C3: variants seen among roughly 807,000 people sequenced by gnomAD.
The protein encoded by C3 is C3 and PZP-like alpha-2-macroglobulin domain-containing protein 1.
In C3, 97 loss-of-function variants were observed where a neutral mutation model predicts 207.9. The ratio of observed to expected loss-of-function variants is 0.47; its 90% CI spans 0.40 to 0.55. The LOEUF is 0.55. Among genes scored for constraint, C3 ranks in the 20% least tolerant of loss-of-function variants. The probability of loss-of-function intolerance (pLI) is 0.00; values close to 1 mark genes in which losing one functional copy is unlikely to be tolerated. For missense variants in C3, 1,684 were observed against 2,171.7 expected (o/e 0.78, Z 4.46); for synonymous variants, 848 against 857.6 (o/e 0.99, Z 0.20).
In C3 at chr19:6,719,334, G is replaced by A. The variant is rs372872350; in HGVS notation, c.144C>T (p.Asp48=). The A allele has an allele frequency of 1.9e-6, 3 of 1,613,994 alleles. No individual in the cohort carries two copies. The highest frequency in any genetic ancestry group is 1.3e-5 in the African/African-American group (1 of 74,964). The change falls in exon 2 of 41, where the codon GAC becomes GAT. Residue 48 remains aspartate (D), a synonymous_variant. Coordinates refer to ENST00000245907, the MANE Select transcript of C3 (RefSeq NM_000064.4). The surrounding 1 kb of genome is among the most constrained non-coding windows in gnomAD (Gnocchi z 5.4). ...CAGTGACTGGAACATCCCCTTGCGC[G>A]TCGTGGGCCTCCAGCACCATGGTCT... The part of the protein sequence containing the change: ...SEETMVLEAH[D]AQGDVPVTVT...
At chr19:6,693,785 C>T (rs1244427124) in intron 24 of C3, among the ~76,000 whole-genome samples, 5 of 152,076 alleles carry the variant, frequency 3.3e-5, no homozygotes, top group Admixed American at 6.5e-5. Context: ...GAGGCATGGC[C>T]TGGAGAGGAC....
chr19:6,693,451 G>C lies in C3; in HGVS notation c.3191C>G (p.Ser1064Cys). 2 of 1,612,752 alleles carry C rather than the reference G, an allele frequency of 1.2e-6. No homozygotes were observed. Among genetic ancestry groups the C allele is most frequent in the South Asian group, 2.2e-5 (2 of 90,804 alleles). Residue 1064 changes from serine (S) to cysteine (C), a missense_variant, in exon 25 of 41, where the codon TCT (serine) becomes TGT (cysteine). Transcript: ENST00000245907. The stretch of plus-strand genomic sequence containing the variant: ...CCGTTTCACGAAGGCCGCAAAGGCA[G>C]AGCTGGGTTGTCTGAAGGCCAGCTG... ...TQQLAFRQPS[S>C]AFAAFVKRAP...
rs1333640217 is a variant in C3, at chr19:6,719,117, A to G, written c.267+94T>C. 1.8e-6 allele frequency: 2 copies of G among 1,134,644 alleles called. No homozygotes were observed. The highest frequency in any genetic ancestry group is 4.7e-5 in the East Asian group (2 of 42,420). 70.3% of individuals were successfully genotyped at this position (1,134,644 alleles called of 1,614,324 possible). On this transcript the variant is annotated intron_variant, in intron 2 of 40. Coordinates refer to ENST00000245907, the MANE Select transcript of C3 (RefSeq NM_000064.4). The surrounding 1 kb of genome is among the most constrained non-coding windows in gnomAD (Gnocchi z 5.4). ...AGTCTCAGGGAAGGGCAGGGCTTAGAAAGGGAGAAGACAGAAGGGGAGGGG... is the reference window on the plus strand; with the variant it reads ...AGTCTCAGGGAAGGGCAGGGCTTAGGAAGGGAGAAGACAGAAGGGGAGGGG...
chr19:6,711,053 G>A lies in C3; in HGVS notation c.1413C>T (p.Leu471=). The change falls in exon 12 of 41, where the codon CTC becomes CTT. Residue 471 remains leucine, a synonymous_variant. Transcript: ENST00000245907. Reference sequence around the variant, plus strand: ...CCATTCGCAGGAGGAAGTTGACGTTGAGGGTCTCCCCGGGTCTGAGCTCTG... The same window carrying A: ...CCATTCGCAGGAGGAAGTTGACGTTAAGGGTCTCCCCGGGTCTGAGCTCTG... ...LRTELRPGET[L]NVNFLLRMDR... is the part of the protein sequence containing the mutation. 6.2e-7 allele frequency: 1 copy of A among 1,614,184 alleles called. No homozygotes were observed. The highest frequency in any genetic ancestry group is 1.1e-5 in the South Asian group (1 of 91,086).
chr19:6,691,635 T>C lies in C3; in HGVS notation c.3391-908A>G, dbSNP rs186657281. Among the ~76,000 whole-genome samples, 7 of 152,224 alleles carry C rather than the reference T, an allele frequency of 4.6e-5. No individual in the cohort carries two copies. In the East Asian group the frequency reaches 1.2e-3, roughly 25 times the overall value. On this transcript the variant is annotated intron_variant, in intron 26 of 40. Transcript: ENST00000245907. ...TGAAAGGTGAGACTGAGGCAGTGAT[T>C]CTCCATCTCAAGCACACATTAGCAT...
At chr19:6,708,096 T>TTCTCTC (rs10659507) in intron 14 of C3, among the ~76,000 whole-genome samples, 167 bp from the exon 15 acceptor site, 1 of 150,314 alleles carries the variant, frequency 6.7e-6, no homozygotes, top group African/African-American at 2.5e-5. Context: ...CCTTCCTTCC[T>TTCTCTC]TCTCTCTCCT....
chr19:6,678,462 G>C lies in C3; in HGVS notation c.4631-7C>G. 6.2e-7 allele frequency: 1 copy of C among 1,613,670 alleles called. No individual in the cohort carries two copies. The highest frequency in any genetic ancestry group is 1.7e-5 in the Admixed American group (1 of 60,004). On this transcript the variant is annotated splice_region_variant and splice_polypyrimidine_tract_variant and intron_variant, in intron 38 of 40. Coordinates refer to ENST00000245907, the MANE Select transcript of C3 (RefSeq NM_000064.4). The stretch of plus-strand genomic sequence containing the variant: ...ACCAGTCGGGTCTTGTACACTGTGG[G>C]GGAGAGGCAGACAGTTTGGGTGGTG...
In C3 at chr19:6,678,303, G is replaced by GAGGGAAGAAGCTGAGTCGT. The variant is rs1917773074; in HGVS notation, c.4715-35_4715-17dup. On this transcript the variant is annotated splice_polypyrimidine_tract_variant and intron_variant, in intron 39 of 40. Transcript: ENST00000245907. The stretch of plus-strand genomic sequence containing the variant: ...TCATCCGAGCCTGGAGTGGAGGGGA[G>GAGGGAAGAAGCTGAGTCGT]AGGGAAGAAGCTGAGTCGTGGGGAG... 3 of 1,614,210 alleles carry GAGGGAAGAAGCTGAGTCGT rather than the reference G, an allele frequency of 1.9e-6. No homozygotes were observed. In the East Asian group the frequency reaches 6.7e-5, roughly 36 times the overall value.
At chr19:6,692,351 G>A (rs1301516961) in intron 26 of C3, among the ~76,000 whole-genome samples, 4 of 152,178 alleles carry the variant, frequency 2.6e-5, no homozygotes, top group Non-Finnish European at 5.9e-5. Flanking sequence ...GTGCTCGAAG[G>A]AGTTTTGTGT....
intron 28 of C3, 85 bp downstream of exon 28, chr19:6,686,661 C>A: frequency 1.4e-6 from 2 of 1,430,996 alleles, no homozygotes. Context: ...CCCAGCTCAG[C>A]TAAAAGCCAT....
Position 6,716,184 on chromosome 19 carries a change from C to G in C3, c.505-1738G>C, listed in dbSNP as rs142893084. Among the ~76,000 whole-genome samples, 188 of 152,198 alleles carry G rather than the reference C, an allele frequency of 1.2e-3. 1 individual carries two copies. The highest frequency in any genetic ancestry group is 4.0e-3 in the African/African-American group (168 of 41,524). ...GAGCAGTCTTCCCACCTCTGCCTCC[C>G]GAAATGTTGGAATTACAGGCTTGAG... On this transcript the variant is annotated intron_variant, in intron 4 of 40. Transcript: ENST00000245907.
At position 6,697,041 on chromosome 19, in the gene C3, C is replaced by CAAAAAAAAAAAAAAAAAAAA. The variant is rs200094017; in HGVS notation, c.2796+302_2796+303insTTTTTTTTTTTTTTTTTTTT. ...TGGGGAACAGAGTGAGACTCTGTCT[C>CAAAAAAAAAAAAAAAAAAAA]AAAAAAATAAACAAACAAATAAATA... On this transcript the variant is annotated intron_variant, in intron 21 of 40. Coordinates refer to ENST00000245907, the MANE Select transcript of C3 (RefSeq NM_000064.4). Among the ~76,000 whole-genome samples, 37 of 71,048 alleles carry CAAAAAAAAAAAAAAAAAAAA rather than the reference C, an allele frequency of 5.2e-4. 1 individual carries two copies. Among genetic ancestry groups the CAAAAAAAAAAAAAAAAAAAA allele is most frequent in the Non-Finnish European group, 7.5e-4 (25 of 33,156 alleles). The allele number at this position is 71,048 out of a possible 152,430, so 46.6% of individuals were successfully genotyped here.
rs780759679 is a variant in C3 at position 6,710,794 on chromosome 19, C to T, written c.1531G>A (p.Gly511Ser). The change falls in exon 13 of 41, where the codon GGC (glycine) becomes AGC (serine). Residue 511 changes from glycine (G) to serine (S), a missense_variant. Gly to Ser is a moderately conservative substitution (Grantham distance 56). Around this residue, in one of 3 missense-constraint regions of C3, gnomAD observed 1,280 missense variants for 1,739.1 expected, o/e 0.74. Coordinates refer to ENST00000245907, the MANE Select transcript of C3 (RefSeq NM_000064.4). Reference protein sequence around the residue: ...LKAGRQVREPGQDLVVLPLSI... With the variant: ...LKAGRQVREPSQDLVVLPLSI... ...AGGGGCAGCACCACCAGGTCCTGGC[C>T]GGGCTCTCGCACCTGGCGTCCCGCC... The T allele has an allele frequency of 3.1e-6, 5 of 1,613,950 alleles. No individual in the cohort carries two copies. The highest frequency in any genetic ancestry group is 1.3e-5 in the African/African-American group (1 of 75,074).
At position 6,714,369 on chromosome 19, in the gene C3, G is replaced by A; in HGVS notation, c.582C>T (p.Asp194=). The A allele has an allele frequency of 6.2e-7, 1 of 1,613,792 alleles. No homozygotes were observed. The highest frequency in any genetic ancestry group is 8.5e-7 in the Non-Finnish European group (1 of 1,179,948). ...TGACATACTTGACGAGTTCCGGAAT[G>A]TCCCAAGACAAGGGCAAGACGCCAA... is the stretch of plus-strand genomic sequence containing the variant. ...NQLGVLPLSW[D]IPELVNMGQW... Residue 194 remains aspartate (D), a synonymous_variant, in exon 5 of 41, where the codon GAC becomes GAT. Transcript: ENST00000245907.
chr19:6,689,335 C>CCCTA (rs1918101177), intron 27 of C3, among the ~76,000 whole-genome samples: 1 of 59,810 alleles, frequency 1.7e-5, no homozygotes, highest in Non-Finnish European at 3.1e-5. Context: ...CTACCTCCCT[C>CCCTA]CCTCCCTCCC....
At chr19:6,689,322 TAC>T (rs1252188162) in intron 27 of C3, among the ~76,000 whole-genome samples, 842 of 65,264 alleles carry the variant, frequency 0.013, 22 homozygotes, top group African/African-American at 0.041. Flanking sequence ...TCTCTCTCTC[TAC>T]CTACCTCCCT....
chr19:6,692,878 T>C (rs778195995), intron 26 of C3, 46 bp downstream of exon 26: 5 of 1,603,424 alleles, frequency 3.1e-6, no homozygotes, highest in Non-Finnish European at 4.3e-6. Flanking sequence ...CCTGCGAGAC[T>C]CAGGAGCCCC....
At chr19:6,679,270 G>A (rs1325090795) in intron 37 of C3, 62 bp from the exon 38 acceptor site, 4 of 1,516,750 alleles carry the variant, frequency 2.6e-6, no homozygotes, top group Non-Finnish European at 3.7e-6. Flanking sequence ...TACTGCCCAT[G>A]GGTGTGGCCA....
intron 26 of C3, among the ~76,000 whole-genome samples, chr19:6,691,967 A>G (rs1918178059): frequency 6.7e-6 from 1 of 150,132 alleles, no homozygotes; most frequent in Non-Finnish European, 1.5e-5. Flanking sequence ...AGCCTGGGTG[A>G]CAAGAGCAAA....
Sources: allele counts gnomAD v4.1 joint callset (sites outside exome capture counted in the v4.1 genomes callset), GRCh38; gene constraint gnomAD v4.1.1; regional missense constraint gnomAD v4.1.1; non-coding constraint Gnocchi (gnomAD v3.1); transcripts MANE v1.5; gene names NCBI Gene and HGNC (gene_info 2026-07-23, HGNC 2026-07-21).